TGFA: variants seen among roughly 807,000 people sequenced by gnomAD.
The protein encoded by TGFA is protransforming growth factor alpha.
Under a neutral mutation model 21.7 loss-of-function variants are expected in TGFA, and 12 were observed. That is an observed-to-expected ratio of 0.55 (90% CI 0.35 to 0.90). The LOEUF is 0.90. Ranked by LOEUF, TGFA falls within the 40% of genes least tolerant of loss-of-function variation. The pLI is 0.01. For synonymous variants in TGFA, 79 were observed against 88.1 expected, an observed-to-expected ratio of 0.90 and a Z score of 0.58; for missense variants, 178 against 210.8, an observed-to-expected ratio of 0.84 and a Z score of 0.96.
At chr2:70,514,394 CT>C (rs1672199840) in intron 2 of TGFA, among the ~76,000 whole-genome samples, 1 of 149,582 alleles carries the variant, frequency 6.7e-6, no homozygotes, top group South Asian at 2.1e-4. Context: ...GATTTAGAAT[CT>C]TTAAAATAAT....
rs1553489346 is a variant in TGFA at position 70,450,034 on chromosome 2, C to CTTTATTCCTACCAGTAACCCAGCCTCTGG, written c.*796_*824dup. ...AATGGCACCATTTCTGAACCCCTAC[C>CTTTATTCCTACCAGTAACCCAGCCTCTGG]TTTATTCCTACCAGTAACCCAGCCT... On this transcript the variant is annotated 3_prime_UTR_variant, in exon 6 of 6. Coordinates refer to ENST00000295400, the MANE Select transcript of TGFA (RefSeq NM_003236.4). 2 of 152,254 alleles carry CTTTATTCCTACCAGTAACCCAGCCTCTGG rather than the reference C, an allele frequency of 1.3e-5. No individual in the cohort carries two copies. The highest frequency in any genetic ancestry group is 2.9e-5 in the Non-Finnish European group (2 of 68,080). The allele number at this position is 152,254 out of a possible 1,614,324, so 9.4% of individuals were successfully genotyped here. A position where few individuals can be genotyped will look rare whatever the true frequency, so the allele number is the denominator to read the frequency against.
intron 2 of TGFA, among the ~76,000 whole-genome samples, chr2:70,471,334 G>A (rs535767652): frequency 7.2e-5 from 11 of 152,318 alleles, no homozygotes; most frequent in African/African-American, 2.6e-4. Context: ...ACAGGGAGGA[G>A]TGGGTCAAAC....
intron 5 of TGFA, among the ~76,000 whole-genome samples, 199 bp from the exon 6 acceptor site, chr2:70,451,065 G>C (rs1553489551): frequency 6.6e-6 from 1 of 151,792 alleles, no homozygotes; most frequent in Non-Finnish European, 1.5e-5. Flanking sequence ...GCCAAAGGAA[G>C]CTAGAGAGAC....
intron 2 of TGFA, among the ~76,000 whole-genome samples, chr2:70,500,766 T>G (rs1671715864): frequency 6.6e-6 from 1 of 152,228 alleles, no homozygotes; most frequent in Admixed American, 6.5e-5. Context: ...CTCTGAGCCA[T>G]TTGAGTTCTT....
At chr2:70,545,165 T>C (rs927105210) in intron 1 of TGFA, among the ~76,000 whole-genome samples, 18 of 150,820 alleles carry the variant, frequency 1.2e-4, no homozygotes, top group African/African-American at 2.4e-4. Flanking sequence ...CCCACAAGAA[T>C]TAAAAATTGT....
intron 2 of TGFA, among the ~76,000 whole-genome samples, chr2:70,478,161 A>C (rs1670994346): frequency 6.6e-6 from 1 of 152,186 alleles, no homozygotes; most frequent in South Asian, 2.1e-4. Context: ...CTCCAGGAGT[A>C]GTAACAGTCT....
At chr2:70,522,327 C>T (rs1672497976) in intron 1 of TGFA, among the ~76,000 whole-genome samples, 1 of 152,174 alleles carries the variant, frequency 6.6e-6, no homozygotes, top group Non-Finnish European at 1.5e-5. Flanking sequence ...TCGGGAATTC[C>T]TTTACTTCTA....
intron 1 of TGFA, among the ~76,000 whole-genome samples, chr2:70,547,296 C>T (rs143921781): frequency 1.2e-3 from 176 of 152,058 alleles, no homozygotes; most frequent in Admixed American, 2.2e-3. Flanking sequence ...TGTTTAATGA[C>T]CCAAAAAATG....
At chr2:70,460,225 TGG>T (rs759075289) in intron 3 of TGFA, among the ~76,000 whole-genome samples, 10 of 152,146 alleles carry the variant, frequency 6.6e-5, no homozygotes, top group Non-Finnish European at 1.3e-4. Flanking sequence ...TCAGAATCTC[TGG>T]GAGTCAGTCC....
chr2:70,449,192 A>AAAAAT lies in TGFA; in HGVS notation c.*1666_*1667insATTTT, dbSNP rs1574060230. The AAAAAT allele has an allele frequency of 6.8e-6, 1 of 147,332 alleles. No homozygotes were observed. The highest frequency in any genetic ancestry group is 2.0e-4 in the East Asian group (1 of 4,994). 9.1% of individuals were successfully genotyped at this position (147,332 alleles called of 1,614,324 possible). Reference sequence around the variant, plus strand: ...CATAGAATTGTCTGAATTATAAAAAAAAATAAAGAGAAAATTCATAGAAAT... The same window carrying AAAAAT: ...CATAGAATTGTCTGAATTATAAAAAAAAAATAAATAAAGAGAAAATTCATAGAAAT... On this transcript the variant is annotated 3_prime_UTR_variant, in exon 6 of 6. Transcript: ENST00000295400.
At chr2:70,452,692 A>G (rs1553489825) in intron 5 of TGFA, among the ~76,000 whole-genome samples, 1 of 152,190 alleles carries the variant, frequency 6.6e-6, no homozygotes, top group East Asian at 1.9e-4. Flanking sequence ...CTGTAATCCC[A>G]GCACTTTGGG....
intron 5 of TGFA, chr2:70,451,590 G>A: frequency 1.7e-6 from 1 of 603,074 alleles, no homozygotes; most frequent in Non-Finnish European, 2.9e-6. Context: ...TAGAGAAGAA[G>A]TGACATTAAC....
At chr2:70,490,663 G>A (rs531707979) in intron 2 of TGFA, among the ~76,000 whole-genome samples, 33 of 152,192 alleles carry the variant, frequency 2.2e-4, no homozygotes, top group Non-Finnish European at 3.2e-4. Context: ...ATCATGTTGA[G>A]TAAATAATCA....
chr2:70,542,597 A>G (rs886672750), intron 1 of TGFA, among the ~76,000 whole-genome samples: 2 of 152,204 alleles, frequency 1.3e-5, no homozygotes, highest in Admixed American at 1.3e-4. Context: ...TAATGGACAC[A>G]ATGGTAAATT....
intron 2 of TGFA, among the ~76,000 whole-genome samples, chr2:70,491,340 G>A (rs1553497592): frequency 6.6e-6 from 1 of 152,156 alleles, no homozygotes; most frequent in Non-Finnish European, 1.5e-5. Flanking sequence ...CAGGACCAGT[G>A]GCTTTCAGTT....
At chr2:70,456,532 C>T in intron 3 of TGFA, 44 bp from the exon 4 acceptor site, 2 of 1,558,136 alleles carry the variant, frequency 1.3e-6, no homozygotes, top group Non-Finnish European at 1.7e-6. Context: ...GACAAAAGGT[C>T]TTGTTACCCT....
At chr2:70,456,242 G>C in intron 4 of TGFA, 97 bp downstream of exon 4, 1 of 1,406,546 alleles carries the variant, frequency 7.1e-7, no homozygotes, top group Non-Finnish European at 9.5e-7. Context: ...CCAGAAATAA[G>C]CTGTGCTGAG....
intron 1 of TGFA, among the ~76,000 whole-genome samples, chr2:70,539,495 C>T (rs1290690348): frequency 1.3e-5 from 2 of 152,192 alleles, no homozygotes; most frequent in Non-Finnish European, 2.9e-5. Context: ...CACTCTGTCG[C>T]CCAGGCTGGA....
At chr2:70,518,592 C>A (rs1397280293) in intron 1 of TGFA, among the ~76,000 whole-genome samples, 1 of 152,172 alleles carries the variant, frequency 6.6e-6, no homozygotes, top group Admixed American at 6.5e-5. Context: ...GCTGGACACC[C>A]CTCTCCCCTG....
Sources: gnomAD v4.1 joint callset for allele counts (sites outside exome capture counted in the v4.1 genomes callset) on GRCh38, gnomAD v4.1.1 for gene constraint, MANE v1.5 for transcripts, NCBI Gene and HGNC (gene_info 2026-07-23, HGNC 2026-07-21) for gene names.